Variants in TUT4 observed in about 807,000 individuals in gnomAD.
TUT4 encodes terminal uridylyl transferase 4, also known as terminal uridylyltransferase 4.
Under a neutral mutation model 192.2 loss-of-function variants are expected in TUT4, and 36 were observed. That is an observed-to-expected ratio of 0.19 (90% CI 0.14 to 0.25). The LOEUF is 0.25. TUT4 is among the 10% of genes least tolerant of loss of function. The pLI, the probability that TUT4 is intolerant of heterozygous loss-of-function variation, is 1.00. For synonymous variants in TUT4, 618 were observed against 666.0 expected (o/e 0.93, Z 1.11); for missense variants, 1,493 against 1,957.2 (o/e 0.76, Z 4.47).
intron 9 of TUT4, among the ~76,000 whole-genome samples, chr1:52,482,413 T>A (rs757022857): frequency 5.9e-5 from 9 of 152,146 alleles, no homozygotes; most frequent in African/African-American, 1.2e-4. Flanking sequence ...ATCAAGAAAG[T>A]CCCTTTAAGT....
chr1:52,545,370 C>A (rs1687795780), intron 1 of TUT4, among the ~76,000 whole-genome samples: 1 of 145,214 alleles, frequency 6.9e-6, no homozygotes, highest in African/African-American at 2.6e-5. Context: ...GAGAGTAAGA[C>A]TCTGTCTCAA....
At chr1:52,515,778 G>C in intron 3 of TUT4, 113 bp downstream of exon 3, 2 of 1,254,130 alleles carry the variant, frequency 1.6e-6, no homozygotes, top group Non-Finnish European at 2.3e-6. Flanking sequence ...AGTAAGGAAA[G>C]ATGAATGCAA....
chr1:52,425,496 G>T lies in TUT4; in HGVS notation c.4723C>A (p.Arg1575=). Residue 1575 remains arginine (R), a synonymous_variant, in exon 29 of 30, where the codon CGA becomes AGA. Transcript: ENST00000257177. Reference sequence around the variant, plus strand: ...CAAGGAATTGGAGGAGTCAGTCCTCGAAAGCCTGGCTCTGCATTTCAACAA... The same window carrying T: ...CAAGGAATTGGAGGAGTCAGTCCTCTAAAGCCTGGCTCTGCATTTCAACAA... The part of the protein sequence containing the change: ...GAVGNSEPGF[R]GLTPPIPWEH... 5 of 1,611,208 alleles carry T rather than the reference G, an allele frequency of 3.1e-6. No individual in the cohort carries two copies. The highest frequency in any genetic ancestry group is 3.4e-6 in the Non-Finnish European group (4 of 1,178,784).
At chr1:52,450,388 ACCT>A (rs1248872891) in intron 20 of TUT4, among the ~76,000 whole-genome samples, 2 of 152,168 alleles carry the variant, frequency 1.3e-5, no homozygotes, top group African/African-American at 4.8e-5. Context: ...CCGAAATCAA[ACCT>A]CATTATGATA....
intron 24 of TUT4, among the ~76,000 whole-genome samples, chr1:52,441,440 C>T (rs1178885650): frequency 7.2e-6 from 1 of 139,238 alleles, no homozygotes; most frequent in African/African-American, 3.0e-5. Context: ...CCACTCTCGG[C>T]TAAATTTTTT....
chr1:52,485,445 A>T (rs192129316), intron 9 of TUT4, among the ~76,000 whole-genome samples: 3 of 152,134 alleles, frequency 2.0e-5, no homozygotes, highest in African/African-American at 4.8e-5. Flanking sequence ...ATTTACATTC[A>T]ATTATTTCAT....
intron 1 of TUT4, among the ~76,000 whole-genome samples, chr1:52,534,835 G>A (rs1442867541): frequency 6.6e-6 from 1 of 152,068 alleles, no homozygotes; most frequent in Admixed American, 6.6e-5. Flanking sequence ...TGAACCCCAG[G>A]CTGGGCGACA....
intron 11 of TUT4, among the ~76,000 whole-genome samples, chr1:52,479,997 GA>G (rs375149209): frequency 0.06 from 4,047 of 67,188 alleles, 178 homozygotes; most frequent in African/African-American, 0.19. Context: ...TCCGTCTCAG[GA>G]AAAAAAAAAA....
chr1:52,536,917 A>G (rs952328110), intron 1 of TUT4, among the ~76,000 whole-genome samples: 1 of 151,714 alleles, frequency 6.6e-6, no homozygotes, highest in Non-Finnish European at 1.5e-5. Flanking sequence ...TGTAATCCCA[A>G]CACTTTGGGA....
In TUT4 at chr1:52,431,473, A is replaced by G. The variant is rs1291967849; in HGVS notation, c.4264-13T>C. 6.7e-7 allele frequency: 1 copy of G among 1,484,714 alleles called. No homozygotes were observed. Among genetic ancestry groups the G allele is most frequent in the South Asian group, 1.4e-5 (1 of 70,702 alleles). The allele number at this position is 1,484,714 out of a possible 1,614,324, so 92.0% of individuals were successfully genotyped here. ...ATGGTGATTCAGACTGCAGACAAAA[A>G]AAAAATTTTTTTTAATTAATTTATA... is the stretch of plus-strand genomic sequence containing the variant. On this transcript the variant is annotated splice_polypyrimidine_tract_variant and intron_variant, in intron 27 of 29. Coordinates refer to ENST00000257177, the MANE Select transcript of TUT4 (RefSeq NM_001009881.3).
At chr1:52,550,683 C>CAA (rs1007068437) in intron 1 of TUT4, among the ~76,000 whole-genome samples, 1 of 151,874 alleles carries the variant, frequency 6.6e-6, no homozygotes, top group Admixed American at 6.6e-5. Flanking sequence ...TTGGCAGTGA[C>CAA]AAAGTCTCAC....
intron 24 of TUT4, among the ~76,000 whole-genome samples, chr1:52,443,302 A>G (rs1656273913): frequency 2.1e-5 from 3 of 141,918 alleles, no homozygotes; most frequent in Admixed American, 1.4e-4. Flanking sequence ...AATTAAAAAA[A>G]AAAAGGCTGG....
intron 1 of TUT4, among the ~76,000 whole-genome samples, chr1:52,547,136 G>A (rs1254505000): frequency 1.3e-5 from 2 of 149,610 alleles, no homozygotes; most frequent in African/African-American, 5.0e-5. Context: ...TTCAGCCTTG[G>A]TGATAGAGCA....
intron 16 of TUT4, chr1:52,463,560 C>T (rs1663212541): frequency 4.0e-6 from 5 of 1,234,706 alleles, no homozygotes; most frequent in Non-Finnish European, 5.2e-6. Flanking sequence ...GATACTGACA[C>T]CACTACAGAT....
Position 52,526,079 on chromosome 1 carries a change from T to G in TUT4, c.202A>C (p.Thr68Pro). ...TTTACTTTACATGATTTAACTTCTG[T>G]TTTTTCTATACAAATATCATTTTGC... ...NKQNDICIEK[T>P]EVKSCKVNAA... Residue 68 changes from threonine (T) to proline (P), a missense_variant, in exon 2 of 30, where the codon ACA becomes CCA. Around this residue, in one of 7 missense-constraint regions of TUT4, gnomAD observed 260 missense variants for 247.8 expected, o/e 1.05. Transcript: ENST00000257177. The G allele has an allele frequency of 6.2e-7, 1 of 1,610,564 alleles. No homozygotes were observed. The highest frequency in any genetic ancestry group is 8.5e-7 in the Non-Finnish European group (1 of 1,179,130).
chr1:52,430,906 T>C (rs1651859849), intron 28 of TUT4, 107 bp downstream of exon 28: 2 of 1,238,780 alleles, frequency 1.6e-6, no homozygotes, highest in African/African-American at 3.0e-5. Context: ...TCCTGTACTG[T>C]CCCCTCCACA....
At chr1:52,467,555 T>C (rs547418406) in intron 15 of TUT4, among the ~76,000 whole-genome samples, 2 of 152,324 alleles carry the variant, frequency 1.3e-5, no homozygotes, top group East Asian at 3.9e-4. Context: ...TTCTGCTTGC[T>C]TCCAGTCTTA....
At chr1:52,478,489 C>T (rs965949875) in intron 11 of TUT4, among the ~76,000 whole-genome samples, 3 of 152,140 alleles carry the variant, frequency 2.0e-5, no homozygotes, top group African/African-American at 7.2e-5. Flanking sequence ...CTTCTAAAAG[C>T]GGCACATATA....
chr1:52,424,976 ACTC>A (rs200011901), intron 29 of TUT4: 2,050 of 161,764 alleles, frequency 0.013, 46 homozygotes, highest in African/African-American at 0.047. Flanking sequence ...AGCTAAGCAT[ACTC>A]CTCCTCCTCT....
Sources: gnomAD v4.1 joint callset for allele counts (sites outside exome capture counted in the v4.1 genomes callset) on GRCh38, gnomAD v4.1.1 for gene constraint, gnomAD v4.1.1 regional missense constraint, MANE v1.5 for transcripts, NCBI Gene and HGNC (gene_info 2026-07-23, HGNC 2026-07-21) for gene names.